VSIG10: variants seen among roughly 807,000 people sequenced by gnomAD.
VSIG10 encodes V-set and immunoglobulin domain containing 10.
VSIG10 carries 48 observed loss-of-function variants against 58.7 expected under a neutral mutation model. The ratio of observed to expected loss-of-function variants is 0.82; its 90% CI spans 0.65 to 1.04. The LOEUF (loss-of-function observed/expected upper bound fraction) is 1.04. Among genes scored for constraint, VSIG10 ranks in the 50% least tolerant of loss-of-function variants. The probability of loss-of-function intolerance (pLI) is 0.00; values close to 1 mark genes in which losing one functional copy is unlikely to be tolerated. For synonymous variants in VSIG10, 260 were observed against 267.1 expected (o/e 0.97, Z 0.26); for missense variants, 628 against 670.0 (o/e 0.94, Z 0.69).
At chr12:118,096,537 C>G (rs1279252530) in intron 1 of VSIG10, among the ~76,000 whole-genome samples, 1 of 148,576 alleles carries the variant, frequency 6.7e-6, no homozygotes, top group Non-Finnish European at 1.5e-5. Context: ...GAGATCGCAC[C>G]ATTGCACTCC....
In VSIG10 at chr12:118,082,273, C is replaced by T; in HGVS notation, c.518G>A (p.Ser173Asn). ...VEWWFQALNS[S>N]SESFGHNLTV... ...CAGGTTGTGGCCAAAGGACTCGCTG[C>T]TGGAATTCAGGGCCTGGAACCACCA... The change falls in exon 3 of 9, where the codon AGC (serine) becomes AAC (asparagine). Residue 173 changes from serine to asparagine, a missense_variant. By Grantham distance (46) the Ser-to-Asn change is conservative. Coordinates refer to ENST00000359236, the MANE Select transcript of VSIG10 (RefSeq NM_019086.6). 2 of 1,613,912 alleles carry T rather than the reference C, an allele frequency of 1.2e-6. No individual in the cohort carries two copies.
At chr12:118,076,026 C>A (rs1300741259) in intron 4 of VSIG10, among the ~76,000 whole-genome samples, 2 of 152,142 alleles carry the variant, frequency 1.3e-5, no homozygotes, top group Non-Finnish European at 2.9e-5. Flanking sequence ...CACTTTTACA[C>A]ATAAAAACTG....
intron 2 of VSIG10, among the ~76,000 whole-genome samples, chr12:118,088,320 C>T (rs182394207): frequency 5.9e-4 from 89 of 151,898 alleles, no homozygotes; most frequent in African/African-American, 2.1e-3. Context: ...ACGGGAATCC[C>T]ATCGCTGGCT....
intron 2 of VSIG10, among the ~76,000 whole-genome samples, chr12:118,095,192 C>T (rs184835070): frequency 8.3e-4 from 126 of 151,584 alleles, no homozygotes; most frequent in Non-Finnish European, 3.8e-4. Context: ...CGTAAGCCAC[C>T]GCACCCGGCC....
At chr12:118,081,518 T>A (rs1211803586) in intron 3 of VSIG10, among the ~76,000 whole-genome samples, 1 of 151,786 alleles carries the variant, frequency 6.6e-6, no homozygotes, top group Non-Finnish European at 1.5e-5. Flanking sequence ...TAATCCTACG[T>A]ACTTTCACCT....
At chr12:118,067,149 C>T (rs1459099243) in intron 8 of VSIG10, among the ~76,000 whole-genome samples, 1 of 152,018 alleles carries the variant, frequency 6.6e-6, no homozygotes, top group African/African-American at 2.4e-5. Context: ...CTCAGCCTCC[C>T]AAGTAGCTGG....
intron 2 of VSIG10, among the ~76,000 whole-genome samples, chr12:118,090,825 C>A (rs1156281631): frequency 6.6e-6 from 1 of 152,024 alleles, no homozygotes; most frequent in East Asian, 1.9e-4. Flanking sequence ...GCCCTACTTA[C>A]CAATCAGTTT....
In VSIG10 at chr12:118,103,650, G is replaced by C. The variant is rs1001802159; in HGVS notation, c.22C>G (p.Pro8Ala). 6.7e-7 allele frequency: 1 copy of C among 1,502,396 alleles called. No individual in the cohort carries two copies. The highest frequency in any genetic ancestry group is 1.2e-5 in the South Asian group (1 of 81,116). 93.1% of individuals were successfully genotyped at this position (1,502,396 alleles called of 1,614,324 possible). A position where few individuals can be genotyped will look rare whatever the true frequency, so the allele number is the denominator to read the frequency against. The change falls in exon 1 of 9, where the codon CCC (proline) becomes GCC (alanine). Residue 8 changes from proline (P) to alanine (A), a missense_variant. By Grantham distance (27) the Pro-to-Ala change is conservative. Transcript: ENST00000359236. MAAGGSA[P>A]EPRVLVCLGA... ...AGGCAGACGAGGACGCGGGGCTCGGGCGCACTGCCGCCTGCGGCCATCTCG... is the reference window on the plus strand; with the variant it reads ...AGGCAGACGAGGACGCGGGGCTCGGCCGCACTGCCGCCTGCGGCCATCTCG...
intron 6 of VSIG10, 132 bp from the exon 7 acceptor site, chr12:118,071,199 C>G: frequency 8.1e-7 from 1 of 1,227,912 alleles, no homozygotes; most frequent in Non-Finnish European, 1.2e-6. Flanking sequence ...ATAGGGTGTC[C>G]CGGGATGGTA....
rs2032596352 is a variant in VSIG10 at position 118,073,781 on chromosome 12, C to G, written c.1137G>C (p.Gln379His). 1 of 1,613,882 alleles carries G rather than the reference C, an allele frequency of 6.2e-7. No homozygotes were observed. The highest frequency in any genetic ancestry group is 1.1e-5 in the South Asian group (1 of 91,080). Residue 379 changes from glutamine to histidine, a missense_variant, in exon 5 of 9, where the codon CAG becomes CAC. Transcript: ENST00000359236. Reference protein sequence around the residue: ...NSTLTIHNCSQDLDEGYYICR... With the variant: ...NSTLTIHNCSHDLDEGYYICR... Reference sequence around the variant, plus strand: ...AGATGTAGTAGCCCTCATCCAGGTCCTGGGAGCAGTTGTGGATAGTGAGGG... The same window carrying G: ...AGATGTAGTAGCCCTCATCCAGGTCGTGGGAGCAGTTGTGGATAGTGAGGG...
Position 118,103,968 on chromosome 12 carries a change from G to A in VSIG10, c.-297C>T. On this transcript the variant is annotated 5_prime_UTR_variant, in exon 1 of 9. Coordinates refer to ENST00000359236, the MANE Select transcript of VSIG10 (RefSeq NM_019086.6). ...CTGCCGGCGGAAAACAACAGGAGCG[G>A]GATCCCTCCCGCCTCCCAGCCAGGC... 1 of 308,244 alleles carries A rather than the reference G, an allele frequency of 3.2e-6. No individual in the cohort carries two copies. The highest frequency in any genetic ancestry group is 5.2e-5 in the East Asian group (1 of 19,258). 19.1% of individuals were successfully genotyped at this position (308,244 alleles called of 1,614,324 possible).
chr12:118,067,216 G>A (rs540022703), intron 8 of VSIG10, among the ~76,000 whole-genome samples: 55 of 152,092 alleles, frequency 3.6e-4, no homozygotes, highest in Non-Finnish European at 5.1e-4. Flanking sequence ...GTAGAGACAC[G>A]TTTTGCCATG....
At chr12:118,070,010 G>GC (rs1432058744) in intron 7 of VSIG10, among the ~76,000 whole-genome samples, 1 of 152,094 alleles carries the variant, frequency 6.6e-6, no homozygotes, top group African/African-American at 2.4e-5. Context: ...ACTAAGAATG[G>GC]CCCTCCAATA....
In VSIG10 at chr12:118,079,624, A is replaced by C. The variant is rs1476144255; in HGVS notation, c.665-18T>G. 6.2e-7 allele frequency: 1 copy of C among 1,612,972 alleles called. No individual in the cohort carries two copies. The highest frequency in any genetic ancestry group is 2.2e-5 in the East Asian group (1 of 44,878). On this transcript the variant is annotated intron_variant, in intron 3 of 8. Coordinates refer to ENST00000359236, the MANE Select transcript of VSIG10 (RefSeq NM_019086.6). ...AGGGGGATCTGCAAAACACCAGAGG[A>C]AAGCATGGGCTGAATCACAGACTCT...
At chr12:118,096,762 G>T (rs1422332579) in intron 1 of VSIG10, among the ~76,000 whole-genome samples, 2 of 151,002 alleles carry the variant, frequency 1.3e-5, no homozygotes, top group Non-Finnish European at 2.9e-5. Flanking sequence ...AGAGCAGCTG[G>T]GCGTAGCGGC....
rs1215376461 is a variant in VSIG10, at chr12:118,073,907, G to T, written c.1011C>A (p.Tyr337Ter). Residue 337 changes from tyrosine to a stop codon, truncating the protein, a stop_gained, in exon 5 of 9, where the codon TAC (tyrosine) becomes TAA (stop). Coordinates refer to ENST00000359236, the MANE Select transcript of VSIG10 (RefSeq NM_019086.6). LOFTEE classifies it high-confidence loss of function. ...VTLTCQVSGA[Y>*]PPAKILWLRN... The stretch of plus-strand genomic sequence containing the variant: ...TCAGCCACAGGATCTTGGCAGGGGG[G>T]TAGGCCCCAGACACCTGGCATGTAA... 6.2e-7 allele frequency: 1 copy of T among 1,613,604 alleles called. No homozygotes were observed. The highest frequency in any genetic ancestry group is 1.3e-5 in the African/African-American group (1 of 74,904).
intron 4 of VSIG10, among the ~76,000 whole-genome samples, chr12:118,075,162 G>A (rs7956791): frequency 9.4e-5 from 8 of 85,366 alleles, no homozygotes; most frequent in East Asian, 7.7e-4. Context: ...GTATATATAT[G>A]TATATATATG....
Position 118,066,507 on chromosome 12 carries a change from TG to T in VSIG10, c.*131del. On this transcript the variant is annotated 3_prime_UTR_variant, in exon 9 of 9. Coordinates refer to ENST00000359236, the MANE Select transcript of VSIG10 (RefSeq NM_019086.6). ...GATGTGTGTGCTTGGTTTTGTTTTTTGCTGAGACCCAAACATTGTTAGTGCA... is the reference window on the plus strand; with the variant it reads ...GATGTGTGTGCTTGGTTTTGTTTTTTCTGAGACCCAAACATTGTTAGTGCA... The T allele has an allele frequency of 1.1e-6, 1 of 911,536 alleles. No individual in the cohort carries two copies. The allele number at this position is 911,536 out of a possible 1,614,324, so 56.5% of individuals were successfully genotyped here. A position where few individuals can be genotyped will look rare whatever the true frequency, so the allele number is the denominator to read the frequency against.
At chr12:118,073,064 C>G (rs2032564019) in intron 5 of VSIG10, among the ~76,000 whole-genome samples, 1 of 151,168 alleles carries the variant, frequency 6.6e-6, no homozygotes, top group Non-Finnish European at 1.5e-5. Flanking sequence ...CAACCTTCGC[C>G]TCCCAGATTC....
Sources: gnomAD v4.1 joint callset for allele counts (sites outside exome capture counted in the v4.1 genomes callset) on GRCh38, gnomAD v4.1.1 for gene constraint, MANE v1.5 for transcripts, NCBI Gene and HGNC (gene_info 2026-07-23, HGNC 2026-07-21) for gene names.